The following STOX2 variants were observed in gnomAD, a reference collection of about 807,000 sequenced individuals.
STOX2 encodes the protein storkhead box 2, also known as storkhead-box protein 2.
A neutral mutation model predicts 60.9 loss-of-function variants in STOX2; 28 were observed. The ratio of observed to expected loss-of-function variants is 0.46; its 90% CI spans 0.34 to 0.63. STOX2 has a LOEUF of 0.63. Among genes scored for constraint, STOX2 ranks in the 30% least tolerant of loss-of-function variants. The probability of loss-of-function intolerance (pLI) is 0.01; values close to 1 mark genes in which losing one functional copy is unlikely to be tolerated. For synonymous variants in STOX2, 472 were observed against 463.9 expected, an observed-to-expected ratio of 1.02 and a Z score of -0.22; for missense variants, 1,024 against 1,187.7, an observed-to-expected ratio of 0.86 and a Z score of 2.03.
intron 3 of STOX2, chr4:184,015,864 G>A (rs912004690): frequency 6.6e-6 from 1 of 152,142 alleles, no homozygotes; most frequent in Admixed American, 6.5e-5. Flanking sequence ...TACATTTCTT[G>A]TAGCCACATT....
chr4:183,930,012 C>CG (rs1309723034), intron 1 of STOX2, among the ~76,000 whole-genome samples: 9 of 151,774 alleles, frequency 5.9e-5, no homozygotes, highest in East Asian at 1.9e-4. Flanking sequence ...TATGGGCGCC[C>CG]CTCACCACGC....
At chr4:183,922,766 C>A (rs1742139343) in intron 1 of STOX2, among the ~76,000 whole-genome samples, 1 of 152,166 alleles carries the variant, frequency 6.6e-6, no homozygotes, top group South Asian at 2.1e-4. Context: ...AACTGAAACT[C>A]TGCACCTATT....
At chr4:183,803,342 C>T (rs2111092559) in intron 1 of STOX2, among the ~76,000 whole-genome samples, 1 of 152,072 alleles carries the variant, frequency 6.6e-6, no homozygotes, top group Admixed American at 6.5e-5. Flanking sequence ...TCCTAAAGTG[C>T]TGAGATTACA....
At chr4:183,799,088 T>G (rs1284147383) in intron 1 of STOX2, among the ~76,000 whole-genome samples, 1 of 152,220 alleles carries the variant, frequency 6.6e-6, no homozygotes, top group Non-Finnish European at 1.5e-5. Context: ...CGCCTTCCTC[T>G]GAAGGATTAG....
rs146513214 is a variant in STOX2, at chr4:183,946,076, GGTCT to G, written c.166+39121_166+39124del. 1.8e-3 allele frequency among the ~76,000 whole-genome samples: 267 copies of G among 152,256 alleles called. 1 individual carries two copies. The highest frequency in any genetic ancestry group is 6.3e-3 in the African/African-American group (262 of 41,534). On this transcript the variant is annotated intron_variant, in intron 1 of 3. Transcript: ENST00000308497. ...GGAAAGAAAGCAATAATGTTTCCTAGGTCTAACAGGTCTTGTTCTAAAACAAATA... is the reference window on the plus strand; with the variant it reads ...GGAAAGAAAGCAATAATGTTTCCTAGAACAGGTCTTGTTCTAAAACAAATA...
intron 1 of STOX2, among the ~76,000 whole-genome samples, chr4:183,973,670 G>A (rs1389245631): frequency 1.3e-5 from 2 of 152,196 alleles, no homozygotes; most frequent in African/African-American, 4.8e-5. Context: ...TAATACCTGA[G>A]TAAATATAAT....
chr4:183,969,851 G>T (rs1314593770), intron 1 of STOX2, among the ~76,000 whole-genome samples: 3 of 152,094 alleles, frequency 2.0e-5, no homozygotes, highest in African/African-American at 7.2e-5. Flanking sequence ...TGAATTCCTG[G>T]ACTCAAGAGA....
At chr4:183,926,690 A>G (rs1462038142) in intron 1 of STOX2, among the ~76,000 whole-genome samples, 3 of 151,698 alleles carry the variant, frequency 2.0e-5, no homozygotes, top group Non-Finnish European at 2.9e-5. Flanking sequence ...GTGGCACAAT[A>G]TTGGCTCACT....
At chr4:183,799,210 G>T (rs991505636) in intron 1 of STOX2, among the ~76,000 whole-genome samples, 4 of 152,154 alleles carry the variant, frequency 2.6e-5, no homozygotes, top group African/African-American at 9.7e-5. Context: ...AGCTTTCTTT[G>T]ACTTGAGTAG....
At chr4:183,914,062 T>C (rs1741861234) in intron 1 of STOX2, among the ~76,000 whole-genome samples, 1 of 152,200 alleles carries the variant, frequency 6.6e-6, no homozygotes, top group South Asian at 2.1e-4. Context: ...AACTAGGTAC[T>C]ACCCAGAATG....
chr4:183,845,661 A>G (rs1318177541), intron 1 of STOX2, among the ~76,000 whole-genome samples: 1 of 152,220 alleles, frequency 6.6e-6, no homozygotes, highest in Non-Finnish European at 1.5e-5. Flanking sequence ...AGTATTCTCC[A>G]GGGGACCATC....
chr4:183,891,314 GATGGA>G (rs1741204161), intron 1 of STOX2, among the ~76,000 whole-genome samples: 1 of 110,864 alleles, frequency 9.0e-6, no homozygotes, highest in Non-Finnish European at 1.9e-5. Flanking sequence ...ATATATCTAT[GATGGA>G]ATATATATAT....
intron 1 of STOX2, among the ~76,000 whole-genome samples, chr4:183,943,729 T>C (rs1428270643): frequency 2.0e-5 from 3 of 152,264 alleles, no homozygotes; most frequent in African/African-American, 7.2e-5. Flanking sequence ...ATACAAAAAC[T>C]AGCTGGGCGT....
intron 1 of STOX2, among the ~76,000 whole-genome samples, chr4:183,961,840 A>C (rs1743422741): frequency 6.6e-6 from 1 of 152,246 alleles, no homozygotes; most frequent in Non-Finnish European, 1.5e-5. Context: ...TTTGTAGCAC[A>C]AAAAGGATCT....
At chr4:183,907,060 GA>G in intron 1 of STOX2, 104 bp downstream of exon 1, 1 of 1,000,558 alleles carries the variant, frequency 1.0e-6, no homozygotes, top group South Asian at 1.7e-5. Flanking sequence ...TGATGGATGC[GA>G]TAAGTTATGG....
intron 1 of STOX2, chr4:183,987,627 G>C (rs1222768834): frequency 6.6e-6 from 1 of 152,156 alleles, no homozygotes; most frequent in East Asian, 1.9e-4. Flanking sequence ...CTGACATAGT[G>C]ACCTCATTCC....
rs760829051 is a variant in STOX2, at chr4:184,009,524, C to T, written c.686C>T (p.Pro229Leu). The T allele has an allele frequency of 6.2e-7, 1 of 1,614,066 alleles. No individual in the cohort carries two copies. Among genetic ancestry groups the T allele is most frequent in the Non-Finnish European group, 8.5e-7 (1 of 1,179,886 alleles). ...GACTGCAAAGACCCTTACTGTCCCCCTTCTCTGTGCCAGGTGCCACCCACT... is the reference window on the plus strand; with the variant it reads ...GACTGCAAAGACCCTTACTGTCCCCTTTCTCTGTGCCAGGTGCCACCCACT... Reference protein sequence around the residue: ...AKDCKDPYCPPSLCQVPPTEK... With the variant: ...AKDCKDPYCPLSLCQVPPTEK... The change falls in exon 3 of 4, where the codon CCT becomes CTT. Residue 229 changes from proline to leucine, a missense_variant. Pro to Leu is a moderately conservative substitution (Grantham distance 98). Coordinates refer to ENST00000308497, the MANE Select transcript of STOX2 (RefSeq NM_020225.3). This position sits in a 1 kb window ranked among gnomAD's most constrained non-coding sequence, Gnocchi z 4.0.
chr4:183,922,408 G>A (rs557663464), intron 1 of STOX2, among the ~76,000 whole-genome samples: 26 of 150,004 alleles, frequency 1.7e-4, no homozygotes, highest in African/African-American at 5.9e-4. Flanking sequence ...GTGCAGTGGC[G>A]TGATCTTGGC....
chr4:183,950,039 T>C (rs1338278019), intron 1 of STOX2, among the ~76,000 whole-genome samples: 1 of 152,270 alleles, frequency 6.6e-6, no homozygotes, highest in Non-Finnish European at 1.5e-5. Context: ...CTTCTCACTA[T>C]TGTACAGCAT....
Sources: gnomAD v4.1 joint callset for allele counts (sites outside exome capture counted in the v4.1 genomes callset) on GRCh38, gnomAD v4.1.1 for gene constraint, Gnocchi (gnomAD v3.1) non-coding constraint, MANE v1.5 for transcripts, NCBI Gene and HGNC (gene_info 2026-07-23, HGNC 2026-07-21) for gene names.